Variants in TTC7B observed in about 807,000 individuals in gnomAD.
TTC7B encodes tetratricopeptide repeat protein 7B.
Under a neutral mutation model 106.8 loss-of-function variants are expected in TTC7B, and 28 were observed. The observed-to-expected ratio is 0.26, with a 90% confidence interval of 0.19 to 0.36. The LOEUF (loss-of-function observed/expected upper bound fraction) is 0.36, where lower values mean the gene tolerates loss of function less well. TTC7B is among the 10% of genes least tolerant of loss of function. The probability of loss-of-function intolerance (pLI) is 1.00; values close to 1 mark genes in which losing one functional copy is unlikely to be tolerated. For missense variants in TTC7B, 862 were observed against 1,076.4 expected, an observed-to-expected ratio of 0.80 and a Z score of 2.79; for synonymous variants, 405 against 430.6, an observed-to-expected ratio of 0.94 and a Z score of 0.74.
intron 17 of TTC7B, among the ~76,000 whole-genome samples, chr14:90,607,978 T>C (rs1363401354): frequency 6.6e-6 from 1 of 152,258 alleles, no homozygotes; most frequent in East Asian, 1.9e-4. Flanking sequence ...GCCAAACTTC[T>C]CTACAGCACC....
intron 5 of TTC7B, 35 bp downstream of exon 5, chr14:90,730,040 T>C: frequency 6.3e-7 from 1 of 1,582,232 alleles, no homozygotes; most frequent in Non-Finnish European, 8.6e-7. Context: ...TTTCCTTCTT[T>C]AGGAAGTGGA....
intron 9 of TTC7B, among the ~76,000 whole-genome samples, chr14:90,662,331 C>T (rs2139906369): frequency 6.6e-6 from 1 of 152,326 alleles, no homozygotes; most frequent in South Asian, 2.1e-4. Context: ...CCCTTGTCTC[C>T]CTGAATCTGT....
At chr14:90,653,284 G>T (rs1257488600) in intron 12 of TTC7B, among the ~76,000 whole-genome samples, 1 of 152,230 alleles carries the variant, frequency 6.6e-6, no homozygotes, top group East Asian at 1.9e-4. Context: ...TGGGAGGGTT[G>T]CAAGCACCGG....
Position 90,567,044 on chromosome 14 carries a change from CG to C in TTC7B, c.2310+11061del, listed in dbSNP as rs1890828858. 6.8e-5 allele frequency among the ~76,000 whole-genome samples: 8 copies of C among 117,182 alleles called. No individual in the cohort carries two copies. The South Asian group carries it at 2.5e-3, about 36-fold the overall frequency. The allele number at this position is 117,182 out of a possible 152,430, so 76.9% of individuals were successfully genotyped here. A position where few individuals can be genotyped will look rare whatever the true frequency, so the allele number is the denominator to read the frequency against. On this transcript the variant is annotated intron_variant, in intron 19 of 19. Coordinates refer to ENST00000328459, the MANE Select transcript of TTC7B (RefSeq NM_001010854.2). ...TCAATTTGAAAGGGGAAGGCGGGGG[CG>C]GGGAGGGGTGGTCTCCAGGGCCAGG...
In TTC7B at chr14:90,593,518, C is replaced by T; in HGVS notation, c.2075G>A (p.Trp692Ter). ...SAPKQGPLHP[W>*]MTLAQIWLHA... ...GAGCCAGATCTGTGCCAGCGTCATC[C>T]AGGGGTGCAGCGGGCCCTGCTTAGG... Residue 692 changes from tryptophan to a stop codon, truncating the protein, a stop_gained, in exon 18 of 20, where the codon TGG (tryptophan) becomes TAG (stop). Coordinates refer to ENST00000328459, the MANE Select transcript of TTC7B (RefSeq NM_001010854.2). LOFTEE classifies it high-confidence loss of function. 1 of 1,609,476 alleles carries T rather than the reference C, an allele frequency of 6.2e-7. No individual in the cohort carries two copies. The highest frequency in any genetic ancestry group is 8.5e-7 in the Non-Finnish European group (1 of 1,177,232).
chr14:90,664,666 T>C (rs1159093133), intron 9 of TTC7B, among the ~76,000 whole-genome samples: 1 of 152,176 alleles, frequency 6.6e-6, no homozygotes, highest in African/African-American at 2.4e-5. Flanking sequence ...GGGGGGCATA[T>C]AAGAGAGTGC....
intron 17 of TTC7B, chr14:90,603,314 C>A: frequency 1.6e-6 from 2 of 1,282,638 alleles, no homozygotes; most frequent in Non-Finnish European, 2.0e-6. Flanking sequence ...CTTGGAACAA[C>A]AGATCAAACC....
At chr14:90,665,178 T>C (rs17126949) in intron 9 of TTC7B, among the ~76,000 whole-genome samples, 4,596 of 152,220 alleles carry the variant, frequency 0.03, 205 homozygotes, top group African/African-American at 0.1. Flanking sequence ...GAAAAGAAGA[T>C]GGATTTGGCA....
In TTC7B at chr14:90,816,175, C is replaced by G; in HGVS notation, c.121G>C (p.Asp41His). The G allele has an allele frequency of 8.0e-7, 1 of 1,244,944 alleles. No homozygotes were observed. The highest frequency in any genetic ancestry group is 1.0e-6 in the Non-Finnish European group (1 of 962,092). The allele number at this position is 1,244,944 out of a possible 1,614,324, so 77.1% of individuals were successfully genotyped here. A position where few individuals can be genotyped will look rare whatever the true frequency, so the allele number is the denominator to read the frequency against. Residue 41 changes from aspartate (D) to histidine (H), a missense_variant and splice_region_variant, in exon 1 of 20, where the codon GAT becomes CAT. Physicochemically the swap from Asp to His is moderately conservative, Grantham distance 81 (BLOSUM62 -1). Transcript: ENST00000328459. ...CCAGGCCGGCGCGCCCGGAGCGTAC[C>G]GTTGGCGATGAGCTTGGCCGACAGC... ...KQLSAKLIAN[D>H]DMAELLLGES... is the part of the protein sequence containing the mutation.
chr14:90,550,660 G>A (rs754415751), intron 19 of TTC7B, among the ~76,000 whole-genome samples: 69 of 152,324 alleles, frequency 4.5e-4, no homozygotes, highest in Non-Finnish European at 2.8e-4. Flanking sequence ...ACTCCGAGAG[G>A]AGGGGGGGCC....
intron 2 of TTC7B, among the ~76,000 whole-genome samples, chr14:90,781,998 T>C (rs557093940): frequency 4.6e-5 from 7 of 152,184 alleles, no homozygotes. Context: ...AAAGCTGAGG[T>C]TTTTGCTTAC....
chr14:90,656,437 T>C (rs532036424), intron 11 of TTC7B, among the ~76,000 whole-genome samples: 12 of 152,356 alleles, frequency 7.9e-5, no homozygotes, highest in African/African-American at 1.2e-4. Context: ...TCTGAGGTAC[T>C]AGAATTGTTA....
chr14:90,694,929 G>A lies in TTC7B; in HGVS notation c.777+571C>T, dbSNP rs945769735. 5.1e-4 allele frequency among the ~76,000 whole-genome samples: 9 copies of A among 17,664 alleles called. 2 individuals carry two copies. The highest frequency in any genetic ancestry group is 5.7e-4 in the Non-Finnish European group (5 of 8,772). 11.6% of individuals were successfully genotyped at this position (17,664 alleles called of 152,430 possible). On this transcript the variant is annotated intron_variant, in intron 6 of 19. Coordinates refer to ENST00000328459, the MANE Select transcript of TTC7B (RefSeq NM_001010854.2). ...TCACATATATTTATTATAAATATATGTATAATATGTCACATATATTTATTA... is the reference window on the plus strand; with the variant it reads ...TCACATATATTTATTATAAATATATATATAATATGTCACATATATTTATTA...
At chr14:90,561,571 G>T (rs144757510) in intron 19 of TTC7B, among the ~76,000 whole-genome samples, 2 of 152,314 alleles carry the variant, frequency 1.3e-5, no homozygotes, top group African/African-American at 4.8e-5. Context: ...TTTTCCCACA[G>T]CCCGGTGGGA....
At position 90,696,358 on chromosome 14, in the gene TTC7B, G is replaced by A. The variant is rs140293398; in HGVS notation, c.699-780C>T. Among the ~76,000 whole-genome samples, 18 of 152,236 alleles carry A rather than the reference G, an allele frequency of 1.2e-4. No homozygotes were observed. In the East Asian group the frequency reaches 3.3e-3, roughly 28 times the overall value. On this transcript the variant is annotated intron_variant, in intron 5 of 19. Coordinates refer to ENST00000328459, the MANE Select transcript of TTC7B (RefSeq NM_001010854.2). ...GCATCCAGCCTGCTGAGCTGGGAAC[G>A]CTCCCCAGCTGGTCCCTTTACATTA...
intron 1 of TTC7B, among the ~76,000 whole-genome samples, chr14:90,792,504 G>A (rs1279834475): frequency 6.6e-6 from 1 of 152,126 alleles, no homozygotes; most frequent in Non-Finnish European, 1.5e-5. Flanking sequence ...TTGAAACTGG[G>A]AAGCAGAGGT....
chr14:90,730,216 G>C lies in TTC7B; in HGVS notation c.577-20C>G. The C allele has an allele frequency of 3.8e-6, 6 of 1,592,036 alleles. No individual in the cohort carries two copies. The highest frequency in any genetic ancestry group is 4.3e-6 in the Non-Finnish European group (5 of 1,173,618). On this transcript the variant is annotated intron_variant, in intron 4 of 19. Transcript: ENST00000328459. ...TATTACCTAGAAGGGGAGAAAATTG[G>C]AAAACTAATCAGATGCACATCCAAG...
chr14:90,558,041 C>T (rs1009726354), intron 19 of TTC7B, among the ~76,000 whole-genome samples: 7 of 152,254 alleles, frequency 4.6e-5, no homozygotes, highest in African/African-American at 1.4e-4. Flanking sequence ...GTCCCCGGCA[C>T]ATTCTTGGTA....
intron 4 of TTC7B, among the ~76,000 whole-genome samples, chr14:90,731,140 C>G (rs1005807085): frequency 6.6e-6 from 1 of 151,696 alleles, no homozygotes; most frequent in Non-Finnish European, 1.5e-5. Context: ...TTAGTAGAGA[C>G]GGGGGTTTCA....
Sources: allele counts gnomAD v4.1 joint callset (sites outside exome capture counted in the v4.1 genomes callset), GRCh38; gene constraint gnomAD v4.1.1; transcripts MANE v1.5; gene names NCBI Gene and HGNC (gene_info 2026-07-23, HGNC 2026-07-21).